The following KIR2DL1 variants were observed in gnomAD, a reference collection of about 807,000 sequenced individuals.
KIR2DL1 encodes killer cell immunoglobulin-like receptor 2DL1.
A neutral mutation model predicts 33.9 loss-of-function variants in KIR2DL1; 38 were observed. That is an observed-to-expected ratio of 1.12 (90% CI 0.86 to 1.47). KIR2DL1 has a LOEUF of 1.47. Among genes scored for constraint, KIR2DL1 ranks in the 40% most tolerant of loss-of-function variants. The pLI, the probability that KIR2DL1 is intolerant of heterozygous loss-of-function variation, is 0.00. For missense variants in KIR2DL1, 531 were observed against 433.9 expected (o/e 1.22, Z -1.99); for synonymous variants, 179 against 165.9 (o/e 1.08, Z -0.61).
chr19:54,779,347 AT>A (rs1169628465), intron 5 of KIR2DL1, among the ~76,000 whole-genome samples: 31 of 143,072 alleles, frequency 2.2e-4, no homozygotes, highest in African/African-American at 6.9e-4. Context: ...CCCTCTGAGG[AT>A]TCCAGGCACG....
At position 54,782,205 on chromosome 19, in the gene KIR2DL1, C is replaced by T. The variant is rs960334098; in HGVS notation, c.716-717C>T. On this transcript the variant is annotated intron_variant, in intron 5 of 7. Transcript: ENST00000336077. The stretch of plus-strand genomic sequence containing the variant: ...CCACAGGAAGCACTCAGCTAAAGCA[C>T]TGCATGACGTCCTCCAGGAAGAACA... Among the ~76,000 whole-genome samples the T allele has an allele frequency of 2.2e-4, 33 of 151,582 alleles. 1 individual carries two copies. Among genetic ancestry groups the T allele is most frequent in the Non-Finnish European group, 3.1e-4 (21 of 67,996 alleles).
chr19:54,781,071 G>A (rs1022036870), intron 5 of KIR2DL1, among the ~76,000 whole-genome samples: 1 of 93,596 alleles, frequency 1.1e-5, no homozygotes, highest in East Asian at 2.4e-4. Context: ...CTCCTATTCT[G>A]GAGGATGAAG....
chr19:54,776,346 T>C (rs1196361502), intron 4 of KIR2DL1, among the ~76,000 whole-genome samples: 2 of 147,246 alleles, frequency 1.4e-5, no homozygotes, highest in Non-Finnish European at 1.5e-5. Context: ...TTAGCTCCTG[T>C]ATATGGGTGA....
chr19:54,782,387 A>G lies in KIR2DL1; in HGVS notation c.716-535A>G, dbSNP rs1012939347. On this transcript the variant is annotated intron_variant, in intron 5 of 7. Transcript: ENST00000336077. Reference sequence around the variant, plus strand: ...CCGTTCTGCAGGCTGTACTGGAAGCATGGCACCAGCATCTATTTCTCGTGA... The same window carrying G: ...CCGTTCTGCAGGCTGTACTGGAAGCGTGGCACCAGCATCTATTTCTCGTGA... Among the ~76,000 whole-genome samples, 6 of 152,212 alleles carry G rather than the reference A, an allele frequency of 3.9e-5. No individual in the cohort carries two copies. In the East Asian group the frequency reaches 7.7e-4, roughly 20 times the overall value.
chr19:54,771,027 C>T (rs2075656125), intron 2 of KIR2DL1, 143 bp downstream of exon 2: 11 of 1,274,330 alleles, frequency 8.6e-6, no homozygotes, highest in South Asian at 1.2e-5. Flanking sequence ...CTGACCTTGC[C>T]TCCCTGGCCT....
chr19:54,772,635 G>A (rs1309288855), intron 2 of KIR2DL1, among the ~76,000 whole-genome samples: 3 of 144,688 alleles, frequency 2.1e-5, no homozygotes, highest in African/African-American at 5.1e-5. Flanking sequence ...GAACCCAGGA[G>A]ACAGAGGTTG....
intron 5 of KIR2DL1, among the ~76,000 whole-genome samples, chr19:54,781,502 C>A (rs954756099): frequency 1.3e-5 from 2 of 150,310 alleles, no homozygotes; most frequent in South Asian, 4.2e-4. Context: ...TTCAGATAGA[C>A]CATGGGGAGG....
At chr19:54,782,660 C>T (rs1473735009) in intron 5 of KIR2DL1, among the ~76,000 whole-genome samples, 1 of 151,960 alleles carries the variant, frequency 6.6e-6, no homozygotes, top group Admixed American at 6.5e-5. Flanking sequence ...AGAGGCCCAA[C>T]CTCCCACAGT....
intron 4 of KIR2DL1, among the ~76,000 whole-genome samples, chr19:54,776,100 C>T (rs1429871799): frequency 2.1e-5 from 3 of 145,032 alleles, no homozygotes; most frequent in African/African-American, 7.6e-5. Flanking sequence ...CCATGTTGGT[C>T]GAGCTGGTCT....
rs1387548958 is a variant in KIR2DL1, at chr19:54,772,946, T to G, written c.71-387T>G. On this transcript the variant is annotated intron_variant, in intron 2 of 7. Coordinates refer to ENST00000336077, the MANE Select transcript of KIR2DL1 (RefSeq NM_014218.3). ...GGTGCCTGCCTTACTGATCAGTTCA[T>G]ACCTCCTGCCAAGGATTCCAATTCG... Among the ~76,000 whole-genome samples, 2 of 147,714 alleles carry G rather than the reference T, an allele frequency of 1.4e-5. 1 individual carries two copies. The highest frequency in any genetic ancestry group is 1.4e-4 in the Admixed American group (2 of 14,502).
chr19:54,770,391 G>A (rs1420064064), intron 1 of KIR2DL1, among the ~76,000 whole-genome samples: 5 of 144,776 alleles, frequency 3.5e-5, no homozygotes, highest in African/African-American at 1.3e-4. Context: ...GGCCTGGAGA[G>A]GAGATATGTG....
Position 54,776,603 on chromosome 19 carries a change from T to G in KIR2DL1, c.664+1145T>G, listed in dbSNP as rs1234342730. Among the ~76,000 whole-genome samples the G allele has an allele frequency of 3.4e-5, 5 of 145,058 alleles. 1 individual carries two copies. Among genetic ancestry groups the G allele is most frequent in the Non-Finnish European group, 7.7e-5 (5 of 65,330 alleles). Reference sequence around the variant, plus strand: ...TACTTTCCTTTGGATATAAACCCAGTAGTGAAATTGCTGGATACTATGAAA... The same window carrying G: ...TACTTTCCTTTGGATATAAACCCAGGAGTGAAATTGCTGGATACTATGAAA... On this transcript the variant is annotated intron_variant, in intron 4 of 7. Transcript: ENST00000336077.
At chr19:54,779,640 T>C (rs1321295734) in intron 5 of KIR2DL1, among the ~76,000 whole-genome samples, 3 of 147,906 alleles carry the variant, frequency 2.0e-5, no homozygotes, top group Non-Finnish European at 4.5e-5. Flanking sequence ...TTAGCAACCA[T>C]AATTCCATCT....
At chr19:54,774,068 C>A in intron 3 of KIR2DL1, among the ~76,000 whole-genome samples, 1 of 148,772 alleles carries the variant, frequency 6.7e-6, no homozygotes. Flanking sequence ...CCTACAGATG[C>A]CATGTTTATT....
rs541783935 is a variant in KIR2DL1, at chr19:54,772,318, G to C, written c.71-1015G>C. Among the ~76,000 whole-genome samples, 61 of 147,700 alleles carry C rather than the reference G, an allele frequency of 4.1e-4. 1 individual carries two copies. Among genetic ancestry groups the C allele is most frequent in the African/African-American group, 1.5e-3 (60 of 40,510 alleles). ...AGGAAGTCCAGGAGCCATGAATGCA[G>C]GTGGCCTATAGAGGCTGGAAAAGTC... On this transcript the variant is annotated intron_variant, in intron 2 of 7. Coordinates refer to ENST00000336077, the MANE Select transcript of KIR2DL1 (RefSeq NM_014218.3).
Position 54,770,840 on chromosome 19 carries a change from T to G in KIR2DL1, c.35-9T>G. The stretch of plus-strand genomic sequence containing the variant: ...CAGATGGGTCATCCATCATGATCTT[T>G]CTTTCCAGGGTTCTTCTTGCTGCAG... On this transcript the variant is annotated splice_polypyrimidine_tract_variant and intron_variant, in intron 1 of 7. Transcript: ENST00000336077. 3 of 1,584,422 alleles carry G rather than the reference T, an allele frequency of 1.9e-6. 1 individual carries two copies. The Middle Eastern group carries it at 5.0e-4, about 265-fold the overall frequency.
Position 54,783,663 on chromosome 19 carries a change from G to A in KIR2DL1, c.897G>A (p.Glu299=). The A allele has an allele frequency of 6.2e-7, 1 of 1,614,016 alleles. No individual in the cohort carries two copies. Among genetic ancestry groups the A allele is most frequent in the Non-Finnish European group, 8.5e-7 (1 of 1,179,970 alleles). ...SEDSDEQDPQ[E]VTYTQLNHCV... is the part of the protein sequence containing the mutation. ...ACTCTGATGAACAAGACCCTCAGGA[G>A]GTGACATACACACAGTTGAATCACT... is the stretch of plus-strand genomic sequence containing the variant. Residue 299 remains glutamate (E), a synonymous_variant, in exon 8 of 8, where the codon GAG becomes GAA. Coordinates refer to ENST00000336077, the MANE Select transcript of KIR2DL1 (RefSeq NM_014218.3).
rs367957090 is a variant in KIR2DL1 at position 54,770,585 on chromosome 19, G to C, written c.35-264G>C. Among the ~76,000 whole-genome samples the C allele has an allele frequency of 3.0e-3, 426 of 143,268 alleles. 9 individuals carry two copies. Among genetic ancestry groups the C allele is most frequent in the Non-Finnish European group, 1.6e-3 (101 of 64,424 alleles). The allele number at this position is 143,268 out of a possible 152,430, so 94.0% of individuals were successfully genotyped here. A position where few individuals can be genotyped will look rare whatever the true frequency, so the allele number is the denominator to read the frequency against. On this transcript the variant is annotated intron_variant, in intron 1 of 7. Transcript: ENST00000336077. ...ATTGGAGATATGGGCCTGGATTGGC[G>C]ATATGGGCTTAGGGTGGAAATATCG...
chr19:54,773,919 C>G (rs550989042), intron 3 of KIR2DL1, among the ~76,000 whole-genome samples: 2 of 148,694 alleles, frequency 1.3e-5, no homozygotes, highest in African/African-American at 4.9e-5. Context: ...TCCCTCCATG[C>G]TGACTTTGCT....
Sources: allele counts gnomAD v4.1 joint callset (sites outside exome capture counted in the v4.1 genomes callset), GRCh38; gene constraint gnomAD v4.1.1; transcripts MANE v1.5; gene names NCBI Gene and HGNC (gene_info 2026-07-23, HGNC 2026-07-21).